The following ATP8A2 variants were observed in gnomAD, a reference collection of about 807,000 sequenced individuals.
ATP8A2 encodes the protein phospholipid-transporting ATPase IB.
A neutral mutation model predicts 165.6 loss-of-function variants in ATP8A2; 100 were observed. The ratio of observed to expected loss-of-function variants is 0.60; its 90% confidence interval spans 0.51 to 0.71. The LOEUF is 0.71. Among genes scored for constraint, ATP8A2 ranks in the 30% least tolerant of loss-of-function variants. ATP8A2 has a pLI of 0.00. For missense variants in ATP8A2, 1,227 were observed against 1,479.5 expected (o/e 0.83, Z 2.80); for synonymous variants, 543 against 548.8 (o/e 0.99, Z 0.15).
At chr13:25,992,613 A>G (rs939357550) in intron 35 of ATP8A2, among the ~76,000 whole-genome samples, 6 of 152,146 alleles carry the variant, frequency 3.9e-5, no homozygotes, top group Non-Finnish European at 8.8e-5. Context: ...GTCAAGTCTA[A>G]GAGAACTCTG....
chr13:25,705,351 C>G, intron 25 of ATP8A2: 1 of 183,188 alleles, frequency 5.5e-6, no homozygotes, highest in Non-Finnish European at 1.2e-5. Context: ...CCAGCAAATA[C>G]AGGTGACATG....
chr13:25,471,705 T>C (rs1164088941), intron 2 of ATP8A2, among the ~76,000 whole-genome samples: 1 of 152,204 alleles, frequency 6.6e-6, no homozygotes, highest in East Asian at 1.9e-4. Flanking sequence ...GTAATCAAGA[T>C]TGAAAGCTGA....
chr13:25,690,918 A>T (rs993182365), intron 24 of ATP8A2, among the ~76,000 whole-genome samples: 1 of 152,232 alleles, frequency 6.6e-6, no homozygotes, highest in African/African-American at 2.4e-5. Context: ...AGAATTATTC[A>T]TAATATCCTC....
intron 2 of ATP8A2, among the ~76,000 whole-genome samples, chr13:25,506,937 G>GCACATATATATATATA (rs1234014087): frequency 2.4e-3 from 159 of 66,394 alleles, no homozygotes; most frequent in Non-Finnish European, 3.6e-3. Flanking sequence ...ATACAGTACA[G>GCACATATATATATATA]TACATATATA....
chr13:25,992,098 T>C (rs1160433860), intron 35 of ATP8A2, among the ~76,000 whole-genome samples: 2 of 152,166 alleles, frequency 1.3e-5, no homozygotes, highest in African/African-American at 4.8e-5. Flanking sequence ...GGTTGTGGTA[T>C]GTTTGGTTTT....
intron 33 of ATP8A2, among the ~76,000 whole-genome samples, chr13:25,930,847 C>G (rs1326497576): frequency 6.6e-6 from 1 of 152,222 alleles, no homozygotes; most frequent in Non-Finnish European, 1.5e-5. Flanking sequence ...TGCAGCCGAC[C>G]TGTCACGCCT....
chr13:25,721,124 T>C (rs1027770026), intron 25 of ATP8A2, among the ~76,000 whole-genome samples: 5 of 151,464 alleles, frequency 3.3e-5, no homozygotes, highest in Non-Finnish European at 7.4e-5. Flanking sequence ...AATGGCTCAT[T>C]ATTATTATTA....
intron 1 of ATP8A2, among the ~76,000 whole-genome samples, chr13:25,438,562 G>T (rs2034843197): frequency 6.6e-6 from 1 of 151,982 alleles, no homozygotes; most frequent in South Asian, 2.1e-4. Context: ...GTTCACTTGA[G>T]CCCAGGATTT....
intron 24 of ATP8A2, among the ~76,000 whole-genome samples, chr13:25,668,312 GT>G (rs1022265699): frequency 3.3e-5 from 5 of 151,396 alleles, no homozygotes; most frequent in Non-Finnish European, 7.4e-5. Context: ...TTTTGGTTAA[GT>G]TTTTTTTTCT....
rs1329591924 is a variant in ATP8A2 at position 25,769,173 on chromosome 13, A to T, written c.2512A>T (p.Ile838Phe). The T allele has an allele frequency of 6.2e-7, 1 of 1,613,868 alleles. No homozygotes were observed. The highest frequency in any genetic ancestry group is 8.5e-7 in the Non-Finnish European group (1 of 1,179,868). Residue 838 changes from isoleucine to phenylalanine, a missense_variant, in exon 26 of 37, where the codon ATC becomes TTC. By Grantham distance (21) the Ile-to-Phe change is conservative. This residue lies in a region of ATP8A2 where 592 missense variants were observed against 785.6 expected (regional missense o/e 0.75). Transcript: ENST00000381655. ...MIQTAHVGVG[I>F]SGNEGMQATN... ...CCAGACAGCCCACGTGGGTGTGGGA[A>T]TCAGTGGGAATGAAGGCATGCAGGC... is the stretch of plus-strand genomic sequence containing the variant.
intron 2 of ATP8A2, among the ~76,000 whole-genome samples, chr13:25,499,086 C>T (rs1171301349): frequency 6.6e-6 from 1 of 152,208 alleles, no homozygotes; most frequent in Non-Finnish European, 1.5e-5. Context: ...TAACTGCCCC[C>T]AAGATCCATT....
intron 1 of ATP8A2, among the ~76,000 whole-genome samples, chr13:25,378,330 CTG>C (rs1566089959): frequency 7.1e-6 from 1 of 141,700 alleles, no homozygotes; most frequent in Non-Finnish European, 1.5e-5. Context: ...CTCATTAACT[CTG>C]TTTTTTTTCC....
At chr13:25,740,240 T>C (rs34814779) in intron 25 of ATP8A2, among the ~76,000 whole-genome samples, 4,218 of 135,748 alleles carry the variant, frequency 0.031, 194 homozygotes, top group African/African-American at 0.11. Context: ...ACCTGGGAGG[T>C]GGAGCTTGCA....
chr13:25,541,571 A>T (rs2038478734), intron 8 of ATP8A2, among the ~76,000 whole-genome samples: 1 of 151,984 alleles, frequency 6.6e-6, no homozygotes, highest in Non-Finnish European at 1.5e-5. Flanking sequence ...TTGGAGGGCT[A>T]CTCTATTCTA....
chr13:25,959,965 T>G (rs1955620897), intron 33 of ATP8A2, among the ~76,000 whole-genome samples: 1 of 152,260 alleles, frequency 6.6e-6, no homozygotes, highest in Non-Finnish European at 1.5e-5. Context: ...CTCTTGGTTG[T>G]TTGAAAAGGA....
chr13:25,765,707 G>A (rs1041850931), intron 25 of ATP8A2, among the ~76,000 whole-genome samples: 1 of 152,074 alleles, frequency 6.6e-6, no homozygotes, highest in African/African-American at 2.4e-5. Context: ...TTCATAGATT[G>A]TACTTTAAGC....
chr13:25,396,456 T>C (rs1033544354), intron 1 of ATP8A2, among the ~76,000 whole-genome samples: 4 of 152,154 alleles, frequency 2.6e-5, no homozygotes, highest in Admixed American at 2.0e-4. Flanking sequence ...TGGGGGATGA[T>C]GGGACTGAGA....
chr13:25,873,630 C>T (rs1952740260), intron 33 of ATP8A2, among the ~76,000 whole-genome samples: 1 of 150,844 alleles, frequency 6.6e-6, no homozygotes, highest in African/African-American at 2.4e-5. Context: ...TTTTTACCCC[C>T]TAAGTATCTC....
intron 2 of ATP8A2, among the ~76,000 whole-genome samples, chr13:25,489,454 G>T (rs561644593): frequency 2.6e-5 from 4 of 152,250 alleles, no homozygotes; most frequent in East Asian, 1.9e-4. Flanking sequence ...CCTCTGTGCC[G>T]CAGCGTTTCT....
Sources: gnomAD v4.1 joint callset for allele counts (sites outside exome capture counted in the v4.1 genomes callset) on GRCh38, gnomAD v4.1.1 for gene constraint, gnomAD v4.1.1 regional missense constraint, MANE v1.5 for transcripts, NCBI Gene and HGNC (gene_info 2026-07-23, HGNC 2026-07-21) for gene names.